The following PLXND1 variants were observed in gnomAD, a reference collection of about 807,000 sequenced individuals.
PLXND1 encodes plexin D1.
PLXND1 carries 54 observed loss-of-function variants against 197.7 expected under a neutral mutation model. The ratio of observed to expected loss-of-function variants is 0.27; its 90% CI spans 0.22 to 0.34. The LOEUF is 0.34. PLXND1 is among the 10% of genes least tolerant of loss of function. PLXND1 has a pLI of 1.00. For missense variants in PLXND1, 2,127 were observed against 2,699.2 expected (o/e 0.79, Z 4.70); for synonymous variants, 1,180 against 1,161.2 (o/e 1.02, Z -0.33).
At chr3:129,561,068 G>A (rs540602233) in intron 29 of PLXND1, 2 of 489,744 alleles carry the variant, frequency 4.1e-6, no homozygotes, top group South Asian at 3.1e-5. Flanking sequence ...TGGAAGGAGG[G>A]ACAGCGGTGG....
Position 129,558,299 on chromosome 3 carries a change from T to G in PLXND1, c.5445+129A>C. 8 of 848,362 alleles carry G rather than the reference T, an allele frequency of 9.4e-6. No homozygotes were observed. Among genetic ancestry groups the G allele is most frequent in the Non-Finnish European group, 1.3e-5 (7 of 539,400 alleles). The allele number at this position is 848,362 out of a possible 1,614,324, so 52.6% of individuals were successfully genotyped here. A position where few individuals can be genotyped will look rare whatever the true frequency, so the allele number is the denominator to read the frequency against. On this transcript the variant is annotated intron_variant, in intron 33 of 35. Coordinates refer to ENST00000324093, the MANE Select transcript of PLXND1 (RefSeq NM_015103.3). The surrounding 1 kb of genome is among the most constrained non-coding windows in gnomAD (Gnocchi z 4.1). ...TCACTCATCCCACATCCCCTAGACCTGAGATCTTTTGGTTCCCCTCCCAGG... is the reference window on the plus strand; with the variant it reads ...TCACTCATCCCACATCCCCTAGACCGGAGATCTTTTGGTTCCCCTCCCAGG...
intron 8 of PLXND1, among the ~76,000 whole-genome samples, chr3:129,580,125 C>G (rs1226639633): frequency 6.6e-6 from 1 of 152,208 alleles, no homozygotes; most frequent in Non-Finnish European, 1.5e-5. Flanking sequence ...AGCAGTTTGC[C>G]TACAGTGGAA....
In PLXND1 at chr3:129,571,032, G is replaced by A. The variant is rs2085217922; in HGVS notation, c.3600+8C>T. The A allele has an allele frequency of 6.2e-7, 1 of 1,613,494 alleles. No homozygotes were observed. Among genetic ancestry groups the A allele is most frequent in the Middle Eastern group, 1.7e-4 (1 of 6,056 alleles). Reference sequence around the variant, plus strand: ...GCCCCCGCCTACCCCGGCCCCTTTGGTGCTCACGTGGATAACGAGGGTGAG... The same window carrying A: ...GCCCCCGCCTACCCCGGCCCCTTTGATGCTCACGTGGATAACGAGGGTGAG... On this transcript the variant is annotated splice_region_variant and intron_variant, in intron 18 of 35. Coordinates refer to ENST00000324093, the MANE Select transcript of PLXND1 (RefSeq NM_015103.3).
Position 129,606,288 on chromosome 3 carries a change from G to C in PLXND1, c.352C>G (p.Arg118Gly), listed in dbSNP as rs752707971. 1 of 1,530,962 alleles carries C rather than the reference G, an allele frequency of 6.5e-7. No homozygotes were observed. The highest frequency in any genetic ancestry group is 8.7e-7 in the Non-Finnish European group (1 of 1,144,790). The allele number at this position is 1,530,962 out of a possible 1,614,324, so 94.8% of individuals were successfully genotyped here. ...TTGTTGTAGTTGTCCGTGAGGCGCC[G>C]CGGGTGCTCGCACGAGGCCTGCGGC... The part of the protein sequence containing the change: ...QLPQASCEHP[R>G]RLTDNYNKIL... Residue 118 changes from arginine (R) to glycine (G), a missense_variant, in exon 1 of 36, where the codon CGG becomes GGG. Transcript: ENST00000324093.
At chr3:129,561,578 T>C in intron 29 of PLXND1, 68 bp downstream of exon 29, 2 of 1,212,196 alleles carry the variant, frequency 1.6e-6, no homozygotes, top group East Asian at 2.5e-5. Flanking sequence ...GCTTCCCCAC[T>C]GGGGCATGGG....
intron 30 of PLXND1, 67 bp downstream of exon 30, chr3:129,560,622 G>T: frequency 8.0e-7 from 1 of 1,247,012 alleles, no homozygotes; most frequent in Non-Finnish European, 1.2e-6. Flanking sequence ...GAGGCCCAGG[G>T]CCACAGAAAG....
Position 129,606,019 on chromosome 3 carries a change from C to A in PLXND1, c.621G>T (p.Leu207=). 1.9e-6 allele frequency: 3 copies of A among 1,604,910 alleles called. No homozygotes were observed. The African/African-American group carries it at 4.0e-5, about 21-fold the overall frequency. The part of the protein sequence containing the change: ...PPAAGAGGSR[L]LVGATYTGYG... Reference sequence around the variant, plus strand: ...AACCGGTGTACGTGGCGCCCACGAGCAGGCGGCTGCCCCCCGCGCCCGCGG... The same window carrying A: ...AACCGGTGTACGTGGCGCCCACGAGAAGGCGGCTGCCCCCCGCGCCCGCGG... Residue 207 remains leucine, a synonymous_variant, in exon 1 of 36, where the codon CTG becomes CTT. Coordinates refer to ENST00000324093, the MANE Select transcript of PLXND1 (RefSeq NM_015103.3).
intron 2 of PLXND1, among the ~76,000 whole-genome samples, chr3:129,587,267 G>A (rs2085475743): frequency 3.3e-5 from 5 of 152,186 alleles, no homozygotes; most frequent in Admixed American, 3.3e-4. Flanking sequence ...GGGAGCGGCC[G>A]AGGGAGTTGG....
At chr3:129,573,828 C>G (rs1207574115) in intron 12 of PLXND1, 83 bp from the exon 13 acceptor site, 7 of 1,474,254 alleles carry the variant, frequency 4.7e-6, no homozygotes, top group Non-Finnish European at 6.4e-6. Flanking sequence ...AGGCACCCAG[C>G]AGGGCACAGC....
At chr3:129,569,326 TG>T (rs1366345049) in intron 20 of PLXND1, 1 of 152,692 alleles carries the variant, frequency 6.5e-6, no homozygotes, top group African/African-American at 2.4e-5. Context: ...GTGGAATTGC[TG>T]GGTCATAGGT....
chr3:129,585,081 G>A lies in PLXND1; in HGVS notation c.1852-519C>T, dbSNP rs183788563. On this transcript the variant is annotated intron_variant, in intron 5 of 35. Coordinates refer to ENST00000324093, the MANE Select transcript of PLXND1 (RefSeq NM_015103.3). ...CTCCCCCATGAGCCTGGGGCCAGGG[G>A]TCTGTCTTGATTACTGATGTGTCCC... Among the ~76,000 whole-genome samples the A allele has an allele frequency of 1.9e-4, 29 of 152,358 alleles. 1 individual carries two copies. The East Asian group carries it at 5.4e-3, about 28-fold the overall frequency.
intron 8 of PLXND1, among the ~76,000 whole-genome samples, chr3:129,581,574 T>C (rs961654409): frequency 6.6e-6 from 1 of 152,226 alleles, no homozygotes; most frequent in Non-Finnish European, 1.5e-5. Flanking sequence ...GCATCTACTA[T>C]GTGCCAAGTA....
At chr3:129,561,046 G>A (rs2108764320) in intron 29 of PLXND1, 1 of 517,284 alleles carries the variant, frequency 1.9e-6, no homozygotes. Context: ...AGTGACCCGG[G>A]ATGGAGGGAC....
intron 1 of PLXND1, among the ~76,000 whole-genome samples, chr3:129,600,741 C>T (rs572770366): frequency 6.6e-6 from 1 of 151,788 alleles, no homozygotes; most frequent in Non-Finnish European, 1.5e-5. Flanking sequence ...GGAGATCACT[C>T]CCAGCCCCCA....
At chr3:129,592,107 C>T (rs748563105) in intron 1 of PLXND1, among the ~76,000 whole-genome samples, 3 of 152,192 alleles carry the variant, frequency 2.0e-5, no homozygotes, top group African/African-American at 7.2e-5. Context: ...GCCATTCCCC[C>T]CCACCCGAGA....
At chr3:129,598,468 C>G (rs1473784911) in intron 1 of PLXND1, among the ~76,000 whole-genome samples, 1 of 152,136 alleles carries the variant, frequency 6.6e-6, no homozygotes, top group Non-Finnish European at 1.5e-5. Flanking sequence ...CTTGGACGGG[C>G]ATGCGATGTT....
intron 11 of PLXND1, 136 bp downstream of exon 11, chr3:129,575,333 G>C: frequency 1.6e-6 from 1 of 640,556 alleles, no homozygotes; most frequent in South Asian, 1.8e-5. Context: ...GGGATATGAG[G>C]CTGTGTGTGT....
At chr3:129,572,221 T>A (rs1256451863) in intron 15 of PLXND1, among the ~76,000 whole-genome samples, 5 of 152,176 alleles carry the variant, frequency 3.3e-5, no homozygotes, top group Non-Finnish European at 7.4e-5. Flanking sequence ...GTCCCAGCAA[T>A]GCCCATTAGT....
chr3:129,579,893 A>T (rs1031229484), intron 8 of PLXND1, among the ~76,000 whole-genome samples: 1 of 152,172 alleles, frequency 6.6e-6, no homozygotes, highest in African/African-American at 2.4e-5. Flanking sequence ...CCCAGCCCAA[A>T]ACCGGACCTC....
Sources: gnomAD v4.1 joint callset for allele counts (sites outside exome capture counted in the v4.1 genomes callset) on GRCh38, gnomAD v4.1.1 for gene constraint, Gnocchi (gnomAD v3.1) non-coding constraint, MANE v1.5 for transcripts, NCBI Gene and HGNC (gene_info 2026-07-23, HGNC 2026-07-21) for gene names.